Variants in TMBIM1 observed in about 807,000 individuals in gnomAD.
TMBIM1 encodes protein lifeguard 3.
TMBIM1 carries 34 observed loss-of-function variants against 45.1 expected under a neutral mutation model. That is an observed-to-expected ratio of 0.75 (90% CI 0.57 to 1.00). The LOEUF (loss-of-function observed/expected upper bound fraction) is 1.00, where lower values mean the gene tolerates loss of function less well. TMBIM1 is among the 50% of genes least tolerant of loss of function. TMBIM1 has a pLI of 0.00. For synonymous variants in TMBIM1, 157 were observed against 153.5 expected (o/e 1.02, Z -0.17); for missense variants, 374 against 402.4 (o/e 0.93, Z 0.60).
intron 1 of TMBIM1, chr2:218,289,872 A>T (rs1013943729): frequency 6.6e-6 from 1 of 152,162 alleles, no homozygotes; most frequent in Non-Finnish European, 1.5e-5. Flanking sequence ...TCTGGACCCT[A>T]CGGCCAGCTC....
At chr2:218,291,654 G>T (rs765036638) in intron 1 of TMBIM1, among the ~76,000 whole-genome samples, 1 of 152,196 alleles carries the variant, frequency 6.6e-6, no homozygotes, top group Middle Eastern at 3.4e-3. Flanking sequence ...CAAGGCCAGG[G>T]CCTGGCCTCC....
chr2:218,290,684 A>C (rs529251924), intron 1 of TMBIM1, among the ~76,000 whole-genome samples: 1 of 152,304 alleles, frequency 6.6e-6, no homozygotes, highest in East Asian at 1.9e-4. Flanking sequence ...TTACAGACAA[A>C]AGTGGGAGCT....
chr2:218,279,113 G>A (rs369334090), intron 4 of TMBIM1, 22 bp from the exon 5 acceptor site: 2 of 1,613,938 alleles, frequency 1.2e-6, no homozygotes, highest in Non-Finnish European at 1.7e-6. Context: ...AGGAGGACAG[G>A]AGTAGTCACC....
chr2:218,279,728 A>G (rs926509879), intron 3 of TMBIM1, among the ~76,000 whole-genome samples: 3 of 152,306 alleles, frequency 2.0e-5, no homozygotes, highest in Middle Eastern at 3.4e-3. Context: ...AGCTGCCTAT[A>G]GTCTAAAGGG....
At chr2:218,279,432 T>A in intron 3 of TMBIM1, 79 bp from the exon 4 acceptor site, 2 of 1,316,456 alleles carry the variant, frequency 1.5e-6, no homozygotes, top group African/African-American at 3.0e-5. Context: ...CCCAGTACTT[T>A]CCTCCCACTC....
chr2:218,281,613 C>A (rs1681065810), intron 2 of TMBIM1, among the ~76,000 whole-genome samples: 1 of 152,232 alleles, frequency 6.6e-6, no homozygotes, highest in South Asian at 2.1e-4. Context: ...AGCTTGTTGG[C>A]CGCTTGTTGG....
At chr2:218,285,194 C>T (rs1192201011) in intron 1 of TMBIM1, among the ~76,000 whole-genome samples, 1 of 152,200 alleles carries the variant, frequency 6.6e-6, no homozygotes, top group Non-Finnish European at 1.5e-5. Context: ...TTACAACAGT[C>T]CAGCAAGTTA....
At chr2:218,280,276 G>C in intron 2 of TMBIM1, 150 bp from the exon 3 acceptor site, 1 of 637,132 alleles carries the variant, frequency 1.6e-6, no homozygotes, top group South Asian at 1.8e-5. Flanking sequence ...GGGTCTTCTA[G>C]ACACCCTCAG....
intron 1 of TMBIM1, chr2:218,287,426 C>G (rs1403672039): frequency 6.6e-6 from 1 of 152,596 alleles, no homozygotes; most frequent in Admixed American, 6.5e-5. Flanking sequence ...CAGTTAAGAC[C>G]GGGCCGGGTG....
At chr2:218,287,643 G>A (rs1052208726) in intron 1 of TMBIM1, among the ~76,000 whole-genome samples, 5 of 152,154 alleles carry the variant, frequency 3.3e-5, no homozygotes, top group African/African-American at 1.2e-4. Context: ...CCGAGAGGCA[G>A]AGGTTGCAGT....
rs991195166 is a variant in TMBIM1, at chr2:218,277,039, C to G, written c.700G>C (p.Gly234Arg). The change falls in exon 10 of 12, where the codon GGG (glycine) becomes CGG (arginine). Residue 234 changes from glycine (G) to arginine (R), a missense_variant. Physicochemically the swap from Gly to Arg is moderately radical, Grantham distance 125. Transcript: ENST00000258412. The stretch of plus-strand genomic sequence containing the variant: ...TAGAGCACAATGCTAGTGACAATCC[C>G]AGTCACCAGGAGCACAATTCCCAGG... ...CVLGIVLLVT[G>R]IVTSIVLYFQ... 6.2e-7 allele frequency: 1 copy of G among 1,614,146 alleles called. No homozygotes were observed. Among genetic ancestry groups the G allele is most frequent in the African/African-American group, 1.3e-5 (1 of 75,046 alleles).
In TMBIM1 at chr2:218,282,075, G is replaced by T; in HGVS notation, c.67C>A (p.Pro23Thr). 1 of 1,595,704 alleles carries T rather than the reference G, an allele frequency of 6.3e-7. No homozygotes were observed. The highest frequency in any genetic ancestry group is 1.1e-5 in the South Asian group (1 of 88,758). Residue 23 changes from proline to threonine, a missense_variant, in exon 2 of 12, where the codon CCT becomes ACT. Pro to Thr is a conservative substitution (Grantham distance 38). Transcript: ENST00000258412. ...RNPLYPGPPP[P>T]GGYGQPSVLP... is the part of the protein sequence containing the mutation. Reference sequence around the variant, plus strand: ...ACAGATGGCTGCCCATAGCCCCCAGGGGGCGGAGGGCCTGGGTACAGGGGG... The same window carrying T: ...ACAGATGGCTGCCCATAGCCCCCAGTGGGCGGAGGGCCTGGGTACAGGGGG...
At chr2:218,283,518 G>C in intron 1 of TMBIM1, among the ~76,000 whole-genome samples, 1 of 152,242 alleles carries the variant, frequency 6.6e-6, no homozygotes, top group Middle Eastern at 3.4e-3. Context: ...GTCTGGGCTC[G>C]ACAGGGCCAC....
intron 10 of TMBIM1, among the ~76,000 whole-genome samples, chr2:218,276,802 C>T (rs1378517605): frequency 2.0e-5 from 3 of 152,128 alleles, no homozygotes; most frequent in Non-Finnish European, 4.4e-5. Flanking sequence ...TGCTCTGGCT[C>T]CAAGGCCGCC....
chr2:218,275,583 C>G lies in TMBIM1; in HGVS notation c.828G>C (p.Arg276=), dbSNP rs754982758. The change falls in exon 12 of 12, where the codon CGG becomes CGC. Residue 276 remains arginine (R), a synonymous_variant. Coordinates refer to ENST00000258412, the MANE Select transcript of TMBIM1 (RefSeq NM_022152.6). The stretch of plus-strand genomic sequence containing the variant: ...AGTCCTCGGGGCTGATGGTGTGCTT[C>G]CGGTTCCCCAGGACCAGCTGTGTGT... ...AYDTQLVLGN[R]KHTISPEDYI... The G allele has an allele frequency of 7.4e-6, 12 of 1,613,818 alleles. No individual in the cohort carries two copies. The highest frequency in any genetic ancestry group is 2.7e-5 in the African/African-American group (2 of 74,918).
At chr2:218,286,832 T>A (rs899480700) in intron 1 of TMBIM1, 1 of 142,138 alleles carries the variant, frequency 7.0e-6, no homozygotes, top group Non-Finnish European at 1.5e-5. Flanking sequence ...CCTGCCCTCC[T>A]CCCTGCCAGA....
Position 218,280,046 on chromosome 2 carries a change from G to T in TMBIM1, c.283C>A (p.Arg95=). 1 of 1,613,810 alleles carries T rather than the reference G, an allele frequency of 6.2e-7. No individual in the cohort carries two copies. The highest frequency in any genetic ancestry group is 1.1e-5 in the South Asian group (1 of 91,086). The part of the protein sequence containing the change: ...GPGEWDDRKV[R]HTFIRKVYSI... The stretch of plus-strand genomic sequence containing the variant: ...CTTACCTTTCGGATAAAAGTGTGTC[G>T]CACTTTCCGGTCATCCCACTCTCCA... The change falls in exon 3 of 12, where the codon CGA becomes AGA. Residue 95 remains arginine, a synonymous_variant. Transcript: ENST00000258412.
chr2:218,279,515 C>G, intron 3 of TMBIM1, 162 bp from the exon 4 acceptor site: 1 of 575,674 alleles, frequency 1.7e-6, no homozygotes, highest in Non-Finnish European at 3.0e-6. Flanking sequence ...GCAATGTGCA[C>G]TTCTTCCTCA....
At chr2:218,281,114 T>C (rs1180406472) in intron 2 of TMBIM1, 1 of 129,284 alleles carries the variant, frequency 7.7e-6, no homozygotes, top group East Asian at 2.3e-4. Flanking sequence ...CTTTTTTTGT[T>C]TTGTTTTGTT....
Sources: allele counts gnomAD v4.1 joint callset (sites outside exome capture counted in the v4.1 genomes callset), GRCh38; gene constraint gnomAD v4.1.1; transcripts MANE v1.5; gene names NCBI Gene and HGNC (gene_info 2026-07-23, HGNC 2026-07-21).